TRPC7: variants seen among roughly 807,000 people sequenced by gnomAD.
TRPC7 encodes transient receptor potential cation channel subfamily C member 7, also known as short transient receptor potential channel 7.
A neutral mutation model predicts 90.1 loss-of-function variants in TRPC7; 42 were observed. That is an observed-to-expected ratio of 0.47 (90% CI 0.36 to 0.60). The LOEUF (loss-of-function observed/expected upper bound fraction) is 0.60, where lower values mean the gene tolerates loss of function less well. TRPC7 is among the 20% of genes least tolerant of loss of function. The pLI, the probability that TRPC7 is intolerant of heterozygous loss-of-function variation, is 0.00. For synonymous variants in TRPC7, 451 were observed against 436.3 expected (o/e 1.03, Z -0.42); for missense variants, 955 against 1,112.3 (o/e 0.86, Z 2.01).
intron 3 of TRPC7, among the ~76,000 whole-genome samples, chr5:136,290,143 C>T (rs868515691): frequency 9.9e-5 from 15 of 152,104 alleles, no homozygotes; most frequent in Non-Finnish European, 1.8e-4. Context: ...CCCACCTGTA[C>T]GTCACCATCA....
Position 136,231,577 on chromosome 5 carries a change from G to A in TRPC7, c.1845-28C>T, listed in dbSNP as rs762102985. 2.2e-5 allele frequency: 35 copies of A among 1,556,612 alleles called. No homozygotes were observed. The East Asian group carries it at 3.2e-4, about 14-fold the overall frequency. On this transcript the variant is annotated intron_variant, in intron 7 of 11. Coordinates refer to ENST00000513104, the MANE Select transcript of TRPC7 (RefSeq NM_020389.3). ...GCAAAGAAACAGACGGTCCTTTTACGCAGTTTGCATCAGCTTGAACTTTTA... is the reference window on the plus strand; with the variant it reads ...GCAAAGAAACAGACGGTCCTTTTACACAGTTTGCATCAGCTTGAACTTTTA...
chr5:136,250,313 C>G (rs1025953562), intron 6 of TRPC7, among the ~76,000 whole-genome samples: 1 of 152,170 alleles, frequency 6.6e-6, no homozygotes, highest in Admixed American at 6.5e-5. Context: ...AGCGAACAAC[C>G]CTCTGCAGAT....
intron 3 of TRPC7, among the ~76,000 whole-genome samples, chr5:136,308,307 CA>C (rs1758713299): frequency 6.6e-6 from 1 of 152,128 alleles, no homozygotes; most frequent in Non-Finnish European, 1.5e-5. Flanking sequence ...GAGGAATTCC[CA>C]AAGAGGAAGA....
rs752881069 is a variant in TRPC7, at chr5:136,251,812, G to A, written c.1416C>T (p.Asn472=). The A allele has an allele frequency of 1.2e-5, 19 of 1,613,906 alleles. No individual in the cohort carries two copies. The Admixed American group carries it at 1.7e-4, about 14-fold the overall frequency. ...GPREYVLHLW[N]LLDFGMLSIF... ...TGGACAGCATCCCGAAATCTAGCAG[G>A]TTCCACAAGTGCAGCACGTACTCCC... The change falls in exon 6 of 12, where the codon AAC becomes AAT. Residue 472 remains asparagine, a synonymous_variant. Coordinates refer to ENST00000513104, the MANE Select transcript of TRPC7 (RefSeq NM_020389.3).
intron 4 of TRPC7, among the ~76,000 whole-genome samples, chr5:136,270,566 G>T (rs546761567): frequency 3.3e-5 from 5 of 152,282 alleles, no homozygotes; most frequent in African/African-American, 1.2e-4. Context: ...ACAGCCTGTT[G>T]TGCTATCTAT....
chr5:136,287,117 G>C (rs1757745356), intron 3 of TRPC7, among the ~76,000 whole-genome samples: 1 of 152,148 alleles, frequency 6.6e-6, no homozygotes, highest in South Asian at 2.1e-4. Context: ...GACCCCATCT[G>C]TATGTCTGGG....
At chr5:136,345,751 GTT>G (rs1169973999) in intron 2 of TRPC7, among the ~76,000 whole-genome samples, 1 of 152,150 alleles carries the variant, frequency 6.6e-6, no homozygotes, top group Admixed American at 6.5e-5. Flanking sequence ...TGCTTTTGGT[GTT>G]TTAGACATGA....
intron 2 of TRPC7, among the ~76,000 whole-genome samples, chr5:136,356,176 A>T (rs1341201846): frequency 1.3e-5 from 2 of 152,246 alleles, no homozygotes; most frequent in Non-Finnish European, 2.9e-5. Flanking sequence ...TTCCAGGATG[A>T]GAGAGATGTG....
intron 2 of TRPC7, among the ~76,000 whole-genome samples, chr5:136,328,294 C>G (rs1039882651): frequency 6.6e-6 from 1 of 152,174 alleles, no homozygotes; most frequent in African/African-American, 2.4e-5. Flanking sequence ...CAGTGATCCC[C>G]TGAGAGGTCT....
chr5:136,281,361 A>G (rs1757545912), intron 3 of TRPC7, among the ~76,000 whole-genome samples: 2 of 152,248 alleles, frequency 1.3e-5, no homozygotes, highest in African/African-American at 4.8e-5. Context: ...GCCAGGACCC[A>G]GGTTAATGTG....
rs1475357768 is a variant in TRPC7, at chr5:136,315,665, C to T, written c.895G>A (p.Val299Ile). 1 of 1,613,922 alleles carries T rather than the reference C, an allele frequency of 6.2e-7. No homozygotes were observed. Among genetic ancestry groups the T allele is most frequent in the Non-Finnish European group, 8.5e-7 (1 of 1,179,884 alleles). The stretch of plus-strand genomic sequence containing the variant: ...CTTGGACGGTGGTGGTCGGACCAGA[C>T]TTGGAAGTTCACATCACCGTTTAAA... ...AILNGDVNFQ[V>I]WSDHHRPSLS... The change falls in exon 3 of 12, where the codon GTC becomes ATC. Residue 299 changes from valine (V) to isoleucine (I), a missense_variant. By Grantham distance (29) the Val-to-Ile change is conservative. Coordinates refer to ENST00000513104, the MANE Select transcript of TRPC7 (RefSeq NM_020389.3).
rs888338109 is a variant in TRPC7, at chr5:136,247,836, A to G, written c.1580-101T>C. ...GAGGTCTCCAACTGCATCATTTGCC[A>G]TTCTTGTCCTTGTCCTTAAATTAAT... On this transcript the variant is annotated intron_variant, in intron 6 of 11. Coordinates refer to ENST00000513104, the MANE Select transcript of TRPC7 (RefSeq NM_020389.3). The surrounding 1 kb of genome is among the most constrained non-coding windows in gnomAD (Gnocchi z 4.2). The G allele has an allele frequency of 1.4e-5, 20 of 1,415,566 alleles. No homozygotes were observed. The South Asian group carries it at 2.8e-4, about 20-fold the overall frequency. 87.7% of individuals were successfully genotyped at this position (1,415,566 alleles called of 1,614,324 possible). A position where few individuals can be genotyped will look rare whatever the true frequency, so the allele number is the denominator to read the frequency against.
At position 136,365,473 on chromosome 5, in the gene TRPC7, C is replaced by T; in HGVS notation, c.-219G>A. 1.7e-6 allele frequency: 1 copy of T among 579,096 alleles called. No individual in the cohort carries two copies. The highest frequency in any genetic ancestry group is 3.1e-6 in the Non-Finnish European group (1 of 325,358). 35.9% of individuals were successfully genotyped at this position (579,096 alleles called of 1,614,324 possible). A position where few individuals can be genotyped will look rare whatever the true frequency, so the allele number is the denominator to read the frequency against. On this transcript the variant is annotated 5_prime_UTR_variant, in exon 1 of 12. Transcript: ENST00000513104. ...AAAAACTCGCCTTCCGAGGCAGAAC[C>T]GTGTTACCGTCCTTTTCCTAATCGG...
At chr5:136,214,685 G>T (rs140415336) in intron 11 of TRPC7, among the ~76,000 whole-genome samples, 25 of 152,274 alleles carry the variant, frequency 1.6e-4, no homozygotes, top group Non-Finnish European at 2.1e-4. Flanking sequence ...GCTGTTGTCT[G>T]CCCCTAAACC....
chr5:136,297,385 C>T (rs748184605), intron 3 of TRPC7, among the ~76,000 whole-genome samples: 13 of 151,994 alleles, frequency 8.6e-5, no homozygotes, highest in Non-Finnish European at 1.3e-4. Flanking sequence ...GAAGAGTAAG[C>T]ATAGCAGTCA....
intron 2 of TRPC7, among the ~76,000 whole-genome samples, chr5:136,332,662 A>AAAAC (rs139446184): frequency 0.052 from 7,850 of 152,270 alleles, 263 homozygotes; most frequent in Non-Finnish European, 0.075. Flanking sequence ...AAGTAAGGAA[A>AAAAC]AAACAAACAA....
rs767896640 is a variant in TRPC7 at position 136,357,001 on chromosome 5, C to CGGG, written c.384_386dup (p.Pro129dup). 9 of 1,612,514 alleles carry CGGG rather than the reference C, an allele frequency of 5.6e-6. No homozygotes were observed. Among genetic ancestry groups the CGGG allele is most frequent in the African/African-American group, 1.3e-5 (1 of 74,934 alleles). ...TCAGGCGCTGGCCCTGCGCGAAGGC[C>CGGG]GGGTGGTTGAGGATGGCCTCCACGA... On this transcript the variant is annotated inframe_insertion, in exon 2 of 12. Transcript: ENST00000513104.
intron 3 of TRPC7, among the ~76,000 whole-genome samples, chr5:136,289,759 T>G (rs1285732252): frequency 6.6e-6 from 1 of 152,230 alleles, no homozygotes; most frequent in Non-Finnish European, 1.5e-5. Context: ...CTCTGCAGAC[T>G]TAAATGTCCC....
chr5:136,297,229 T>C (rs1758210451), intron 3 of TRPC7, among the ~76,000 whole-genome samples: 1 of 152,218 alleles, frequency 6.6e-6, no homozygotes, highest in Non-Finnish European at 1.5e-5. Flanking sequence ...TTCAGATCTC[T>C]GTAACCTGTT....
Sources: allele counts gnomAD v4.1 joint callset (sites outside exome capture counted in the v4.1 genomes callset), GRCh38; gene constraint gnomAD v4.1.1; non-coding constraint Gnocchi (gnomAD v3.1); transcripts MANE v1.5; gene names NCBI Gene and HGNC (gene_info 2026-07-23, HGNC 2026-07-21).